The following MMP26 variants were observed in gnomAD, a reference collection of about 807,000 sequenced individuals.
The protein encoded by MMP26 is matrix metalloproteinase-26.
In MMP26, 33 loss-of-function variants were observed where a neutral mutation model predicts 31.0. That is an observed-to-expected ratio of 1.06 (90% CI 0.81 to 1.42). MMP26 has a LOEUF of 1.42. Ranked by LOEUF, MMP26 falls within the 40% of genes most tolerant of loss-of-function variation. MMP26 has a pLI of 0.00. For missense variants in MMP26, 347 were observed against 316.1 expected, an observed-to-expected ratio of 1.10 and a Z score of -0.74; for synonymous variants, 122 against 114.9, an observed-to-expected ratio of 1.06 and a Z score of -0.40.
At chr11:4,984,352 C>T (rs1846856532) in intron 2 of MMP26, among the ~76,000 whole-genome samples, 1 of 152,182 alleles carries the variant, frequency 6.6e-6, no homozygotes, top group South Asian at 2.1e-4. Flanking sequence ...ACCTACTTCA[C>T]AGGTAGTTGT....
At chr11:4,824,606 G>A (rs1589912604) in intron 2 of MMP26, among the ~76,000 whole-genome samples, 1 of 152,160 alleles carries the variant, frequency 6.6e-6, no homozygotes, top group Middle Eastern at 3.4e-3. Flanking sequence ...TTCCCTCATG[G>A]AGAAAATAAT....
chr11:4,848,006 C>A, intron 2 of MMP26: 1 of 499,324 alleles, frequency 2.0e-6, no homozygotes, highest in Non-Finnish European at 3.5e-6. Context: ...TGGACTCTGG[C>A]CCTTCCTATG....
intron 2 of MMP26, among the ~76,000 whole-genome samples, chr11:4,825,336 A>G (rs944593805): frequency 7.2e-5 from 11 of 152,128 alleles, no homozygotes; most frequent in Non-Finnish European, 1.5e-4. Flanking sequence ...ACTTTATCAC[A>G]GAAGATCTGT....
chr11:4,707,717 G>C (rs776543076), intron 1 of MMP26, among the ~76,000 whole-genome samples: 3 of 152,114 alleles, frequency 2.0e-5, no homozygotes, highest in Non-Finnish European at 2.9e-5. Context: ...AATTTGAGGG[G>C]GCCACATATC....
chr11:4,747,549 T>C (rs1261473608), intron 1 of MMP26, among the ~76,000 whole-genome samples: 2 of 152,290 alleles, frequency 1.3e-5, no homozygotes, highest in South Asian at 4.1e-4. Flanking sequence ...GATGTTGGCC[T>C]TTTCTAAAAT....
chr11:4,879,528 G>C (rs1198642451), intron 2 of MMP26, among the ~76,000 whole-genome samples: 1 of 152,040 alleles, frequency 6.6e-6, no homozygotes, highest in Admixed American at 6.6e-5. Context: ...TCTGAAATAG[G>C]CTTGAGTACC....
intron 2 of MMP26, among the ~76,000 whole-genome samples, chr11:4,869,157 G>A (rs1262218031): frequency 6.6e-6 from 1 of 152,146 alleles, no homozygotes; most frequent in African/African-American, 2.4e-5. Flanking sequence ...ATAGGCATGG[G>A]CAAGGACATC....
chr11:4,857,041 C>T (rs1387408884), intron 2 of MMP26, among the ~76,000 whole-genome samples: 2 of 152,116 alleles, frequency 1.3e-5, no homozygotes, highest in African/African-American at 2.4e-5. Flanking sequence ...AAAGACACAA[C>T]ATACCAGAAT....
chr11:4,853,659 C>A (rs539950847), intron 2 of MMP26, among the ~76,000 whole-genome samples: 10 of 152,160 alleles, frequency 6.6e-5, no homozygotes, highest in African/African-American at 2.4e-4. Context: ...AAAACTCTTC[C>A]TACTAAAAAA....
intron 2 of MMP26, among the ~76,000 whole-genome samples, chr11:4,881,428 G>A (rs1850461312): frequency 6.6e-6 from 1 of 152,070 alleles, no homozygotes; most frequent in Non-Finnish European, 1.5e-5. Context: ...ACAAACATAT[G>A]TAGACTTTTA....
rs778082350 is a variant in MMP26 at position 4,709,992 on chromosome 11, C to T, written c.-217+4947C>T. 2.6e-4 allele frequency: 119 copies of T among 456,688 alleles called. 2 individuals carry two copies. The highest frequency in any genetic ancestry group is 1.7e-3 in the South Asian group (108 of 64,568). 28.3% of individuals were successfully genotyped at this position (456,688 alleles called of 1,614,324 possible). A position where few individuals can be genotyped will look rare whatever the true frequency, so the allele number is the denominator to read the frequency against. ...ATATGCCACAATCTTAACCAATTCA[C>T]GGATTATTAAAGTGGGCTTTGCAAT... On this transcript the variant is annotated intron_variant, in intron 1 of 7. Coordinates refer to ENST00000380390, the MANE Select transcript of MMP26 (RefSeq NM_021801.5).
chr11:4,988,034 C>T (rs557822886), intron 2 of MMP26, 34 bp from the exon 3 acceptor site: 1 of 639,090 alleles, frequency 1.6e-6, no homozygotes, highest in Admixed American at 2.4e-5. Context: ...CTGCTTTTGT[C>T]ACCCTTGCAT....
At chr11:4,935,623 A>T (rs1197615754) in intron 2 of MMP26, among the ~76,000 whole-genome samples, 2,251 of 150,956 alleles carry the variant, frequency 0.015, 6 homozygotes, top group Middle Eastern at 0.028. Flanking sequence ...GTTGAATAGG[A>T]GTGGTGAGAG....
chr11:4,743,238 G>A (rs1288075852), intron 1 of MMP26, among the ~76,000 whole-genome samples: 1 of 152,076 alleles, frequency 6.6e-6, no homozygotes, highest in African/African-American at 2.4e-5. Context: ...CAGGCATCAG[G>A]TTTTCAAACA....
intron 2 of MMP26, chr11:4,822,041 C>A (rs1219336006): frequency 5.0e-6 from 8 of 1,613,628 alleles, no homozygotes; most frequent in Non-Finnish European, 6.8e-6. Context: ...GCGCTTTTGT[C>A]CACTACAGGG....
rs575421640 is a variant in MMP26 at position 4,840,071 on chromosome 11, A to G, written c.-145+72730A>G. Among the ~76,000 whole-genome samples, 46 of 152,224 alleles carry G rather than the reference A, an allele frequency of 3.0e-4. 1 individual carries two copies. The East Asian group carries it at 8.4e-3, about 28-fold the overall frequency. Reference sequence around the variant, plus strand: ...TCATGGCCAGTAGTGGCAGGTGGCTACAGGATGAGGGTCCTTTGCCTTTGA... The same window carrying G: ...TCATGGCCAGTAGTGGCAGGTGGCTGCAGGATGAGGGTCCTTTGCCTTTGA... On this transcript the variant is annotated intron_variant, in intron 2 of 7. Transcript: ENST00000380390.
intron 2 of MMP26, among the ~76,000 whole-genome samples, chr11:4,910,445 G>A (rs1181191864): frequency 6.6e-6 from 1 of 152,064 alleles, no homozygotes; most frequent in Non-Finnish European, 1.5e-5. Flanking sequence ...GGGTTATAAT[G>A]TTGAAATCAT....
In MMP26 at chr11:4,746,491, C is replaced by T. The variant is rs546655011; in HGVS notation, c.-216-20779C>T. 4.6e-5 allele frequency among the ~76,000 whole-genome samples: 7 copies of T among 152,308 alleles called. No homozygotes were observed. In the South Asian group the frequency reaches 1.5e-3, roughly 32 times the overall value. ...GTTTGTATTCTCAATATCCATCTCACTACTTGATTTACAGTAGGCGCTAAA... is the reference window on the plus strand; with the variant it reads ...GTTTGTATTCTCAATATCCATCTCATTACTTGATTTACAGTAGGCGCTAAA... On this transcript the variant is annotated intron_variant, in intron 1 of 7. Coordinates refer to ENST00000380390, the MANE Select transcript of MMP26 (RefSeq NM_021801.5).
Position 4,989,796 on chromosome 11 carries a change from G to A in MMP26, c.248G>A (p.Gly83Glu). ...GCTCTGCTACACCAGCCCCACTGTG[G>A]GGTGCCTGATGGGTCCGACACCTCC... is the stretch of plus-strand genomic sequence containing the variant. ...MHALLHQPHC[G>E]VPDGSDTSIS... The change falls in exon 4 of 8, where the codon GGG becomes GAG. Residue 83 changes from glycine (G) to glutamate (E), a missense_variant. Coordinates refer to ENST00000380390, the MANE Select transcript of MMP26 (RefSeq NM_021801.5). 2 of 1,613,704 alleles carry A rather than the reference G, an allele frequency of 1.2e-6. No individual in the cohort carries two copies. Among genetic ancestry groups the A allele is most frequent in the Non-Finnish European group, 1.7e-6 (2 of 1,180,016 alleles).
Sources: allele counts gnomAD v4.1 joint callset (sites outside exome capture counted in the v4.1 genomes callset), GRCh38; gene constraint gnomAD v4.1.1; transcripts MANE v1.5; gene names NCBI Gene and HGNC (gene_info 2026-07-23, HGNC 2026-07-21).